The following CDYL2 variants were observed in gnomAD, a reference collection of about 807,000 sequenced individuals.
CDYL2 encodes the protein chromodomain Y like 2, also known as chromodomain Y-like protein 2.
CDYL2 carries 23 observed loss-of-function variants against 49.4 expected under a neutral mutation model. The observed-to-expected ratio is 0.47, with a 90% CI of 0.34 to 0.66. The LOEUF (loss-of-function observed/expected upper bound fraction) is 0.66. Ranked by LOEUF, CDYL2 falls within the 30% of genes least tolerant of loss-of-function variation. The probability of loss-of-function intolerance (pLI) is 0.01; values close to 1 mark genes in which losing one functional copy is unlikely to be tolerated. For missense variants in CDYL2, 678 were observed against 656.4 expected (o/e 1.03, Z -0.36); for synonymous variants, 360 against 268.8 (o/e 1.34, Z -3.32).
chr16:80,765,335 C>T (rs1187295531), intron 1 of CDYL2, among the ~76,000 whole-genome samples: 2 of 151,588 alleles, frequency 1.3e-5, no homozygotes, highest in African/African-American at 4.8e-5. Context: ...AAGGTTATGA[C>T]AGAAACGACG....
At chr16:80,706,216 C>T (rs546199325) in intron 1 of CDYL2, among the ~76,000 whole-genome samples, 3 of 152,332 alleles carry the variant, frequency 2.0e-5, no homozygotes, top group East Asian at 3.9e-4. Context: ...CAATTACATC[C>T]ATTAGTTGTC....
At chr16:80,668,866 T>C (rs371419409) in intron 2 of CDYL2, among the ~76,000 whole-genome samples, 47 of 152,092 alleles carry the variant, frequency 3.1e-4, no homozygotes, top group African/African-American at 1.1e-3. Flanking sequence ...CCCACTGCAC[T>C]CCAACCTGGG....
chr16:80,758,310 G>C (rs571306389), intron 1 of CDYL2, among the ~76,000 whole-genome samples: 1 of 150,286 alleles, frequency 6.7e-6, no homozygotes, highest in Non-Finnish European at 1.5e-5. Context: ...ACATATAGAA[G>C]TAATAATAAC....
intron 1 of CDYL2, among the ~76,000 whole-genome samples, chr16:80,691,181 C>T (rs1910399809): frequency 6.6e-6 from 1 of 152,178 alleles, no homozygotes; most frequent in African/African-American, 2.4e-5. Context: ...ACCCCACATC[C>T]CTGAAGACCT....
intron 1 of CDYL2, among the ~76,000 whole-genome samples, chr16:80,698,041 A>T (rs944509592): frequency 6.6e-6 from 1 of 152,206 alleles, no homozygotes; most frequent in Admixed American, 6.5e-5. Context: ...AATAGAAAAA[A>T]AAATCCTAAA....
At chr16:80,736,840 T>C (rs74030409) in intron 1 of CDYL2, among the ~76,000 whole-genome samples, 2 of 152,348 alleles carry the variant, frequency 1.3e-5, no homozygotes, top group African/African-American at 2.4e-5. Context: ...TTGACTTGGA[T>C]AAGGACTTGT....
intron 1 of CDYL2, among the ~76,000 whole-genome samples, chr16:80,702,553 C>T (rs1904307763): frequency 6.6e-6 from 1 of 152,068 alleles, no homozygotes; most frequent in African/African-American, 2.4e-5. Flanking sequence ...AGTTTCAGAC[C>T]ATCCTGCGCA....
intron 3 of CDYL2, among the ~76,000 whole-genome samples, chr16:80,630,160 T>C (rs1000236607): frequency 2.0e-5 from 3 of 151,892 alleles, no homozygotes; most frequent in African/African-American, 7.2e-5. Context: ...ACATACTCAA[T>C]CCCCTTCAGT....
intron 4 of CDYL2, among the ~76,000 whole-genome samples, chr16:80,616,276 A>G (rs565467773): frequency 2.0e-5 from 3 of 152,316 alleles, no homozygotes; most frequent in East Asian, 1.9e-4. Flanking sequence ...AGGGAGCTGA[A>G]TAAGAATCCA....
chr16:80,691,874 G>C (rs983464272), intron 1 of CDYL2, among the ~76,000 whole-genome samples: 1 of 152,112 alleles, frequency 6.6e-6, no homozygotes, highest in Admixed American at 6.5e-5. Flanking sequence ...GGATGTAAAG[G>C]AATCAAAGAG....
At chr16:80,736,818 T>C (rs978704596) in intron 1 of CDYL2, among the ~76,000 whole-genome samples, 1 of 152,214 alleles carries the variant, frequency 6.6e-6, no homozygotes, top group Non-Finnish European at 1.5e-5. Flanking sequence ...CCTTCAATTA[T>C]GTACGAACCA....
intron 1 of CDYL2, among the ~76,000 whole-genome samples, chr16:80,786,787 G>A (rs923867680): frequency 2.6e-5 from 4 of 152,072 alleles, no homozygotes; most frequent in South Asian, 2.1e-4. Flanking sequence ...GGGTGAAGCC[G>A]GAAACCATCA....
Position 80,633,305 on chromosome 16 carries a change from G to A in CDYL2, c.617-69C>T, listed in dbSNP as rs1034373352. ...CGATCCTAGAAGGATGTGATCAGAG[G>A]ACGTTGGGATTTCCAATGGAAAGGT... On this transcript the variant is annotated intron_variant, in intron 2 of 6. Transcript: ENST00000570137. The A allele has an allele frequency of 1.4e-5, 21 of 1,493,358 alleles. No individual in the cohort carries two copies. The Admixed American group carries it at 2.3e-4, about 17-fold the overall frequency. The allele number at this position is 1,493,358 out of a possible 1,614,324, so 92.5% of individuals were successfully genotyped here.
chr16:80,712,121 G>GTA (rs566004036), intron 1 of CDYL2, among the ~76,000 whole-genome samples: 4 of 143,700 alleles, frequency 2.8e-5, no homozygotes, highest in Non-Finnish European at 6.0e-5. Flanking sequence ...GTATATATGT[G>GTA]TATATATATG....
At chr16:80,724,473 C>T (rs563044426) in intron 1 of CDYL2, among the ~76,000 whole-genome samples, 1 of 152,072 alleles carries the variant, frequency 6.6e-6, no homozygotes, top group South Asian at 2.1e-4. Context: ...TCTTCTACTC[C>T]CTGCAGCATG....
intron 2 of CDYL2, among the ~76,000 whole-genome samples, chr16:80,683,038 G>T (rs1910031157): frequency 6.6e-6 from 1 of 152,182 alleles, no homozygotes. Flanking sequence ...AAGACAGCAA[G>T]CTCTTGCAGG....
intron 1 of CDYL2, among the ~76,000 whole-genome samples, chr16:80,757,832 T>TG: frequency 6.6e-6 from 1 of 152,116 alleles, no homozygotes; most frequent in Admixed American, 6.5e-5. Flanking sequence ...ATAAGCCAAT[T>TG]GGCCTATTAT....
At chr16:80,771,160 A>G (rs971000039) in intron 1 of CDYL2, among the ~76,000 whole-genome samples, 2 of 152,274 alleles carry the variant, frequency 1.3e-5, no homozygotes, top group African/African-American at 2.4e-5. Flanking sequence ...TGATAAAAGC[A>G]GATGAAAATC....
At chr16:80,656,383 C>T (rs151271552) in intron 2 of CDYL2, among the ~76,000 whole-genome samples, 91 of 152,358 alleles carry the variant, frequency 6.0e-4, no homozygotes, top group Non-Finnish European at 1.1e-3. Flanking sequence ...GCCAGGGTGA[C>T]GTCCAGTCGG....
Sources: gnomAD v4.1 joint callset for allele counts (sites outside exome capture counted in the v4.1 genomes callset) on GRCh38, gnomAD v4.1.1 for gene constraint, MANE v1.5 for transcripts, NCBI Gene and HGNC (gene_info 2026-07-23, HGNC 2026-07-21) for gene names.